Variants in AGBL4 observed in about 807,000 individuals in gnomAD.
AGBL4 encodes AGBL carboxypeptidase 4.
AGBL4 carries 58 observed loss-of-function variants against 66.4 expected under a neutral mutation model. The observed-to-expected ratio is 0.87, with a 90% CI of 0.71 to 1.09. AGBL4 has a LOEUF of 1.09. AGBL4 is among the 50% of genes least tolerant of loss of function. The pLI is 0.00. For synonymous variants in AGBL4, 234 were observed against 222.9 expected (o/e 1.05, Z -0.44); for missense variants, 579 against 631.0 (o/e 0.92, Z 0.88).
chr1:48,940,564 T>C (rs2148914584), intron 5 of AGBL4, among the ~76,000 whole-genome samples: 1 of 152,324 alleles, frequency 6.6e-6, no homozygotes, highest in South Asian at 2.1e-4. Flanking sequence ...TTTACAGATA[T>C]GTGCCTGTCC....
At chr1:50,005,032 C>T (rs1446888372) in intron 1 of AGBL4, among the ~76,000 whole-genome samples, 1 of 152,108 alleles carries the variant, frequency 6.6e-6, no homozygotes, top group East Asian at 1.9e-4. Context: ...TCGCTGATGG[C>T]ATCTCCAGAC....
At chr1:49,495,964 G>C (rs1647521908) in intron 3 of AGBL4, among the ~76,000 whole-genome samples, 1 of 152,018 alleles carries the variant, frequency 6.6e-6, no homozygotes. Flanking sequence ...TATGGACATA[G>C]AGGGATAGAA....
At chr1:49,229,207 G>A (rs1309151588) in intron 4 of AGBL4, among the ~76,000 whole-genome samples, 1 of 152,010 alleles carries the variant, frequency 6.6e-6, no homozygotes, top group Admixed American at 6.6e-5. Flanking sequence ...TCTTTCCCTG[G>A]CATCCTGTGC....
intron 2 of AGBL4, among the ~76,000 whole-genome samples, chr1:49,755,337 C>T (rs1049573356): frequency 6.6e-6 from 1 of 152,024 alleles, no homozygotes; most frequent in Non-Finnish European, 1.5e-5. Context: ...AAAAAAAAAT[C>T]AATAATGCCC....
chr1:49,298,645 C>T (rs948697003), intron 3 of AGBL4, among the ~76,000 whole-genome samples: 1 of 152,038 alleles, frequency 6.6e-6, no homozygotes, highest in African/African-American at 2.4e-5. Context: ...TCCCTCCCTC[C>T]CTCCTCCTTC....
intron 6 of AGBL4, among the ~76,000 whole-genome samples, chr1:48,710,729 G>A (rs1399401433): frequency 6.6e-6 from 1 of 152,148 alleles, no homozygotes; most frequent in African/African-American, 2.4e-5. Flanking sequence ...TGTTCAACAT[G>A]CTTTCATACC....
chr1:49,520,862 T>A (rs1570939070), intron 3 of AGBL4, among the ~76,000 whole-genome samples: 1 of 149,932 alleles, frequency 6.7e-6, no homozygotes, highest in Non-Finnish European at 1.5e-5. Flanking sequence ...CAGGCTGGAG[T>A]GCAGTGGCAT....
intron 6 of AGBL4, among the ~76,000 whole-genome samples, chr1:48,691,327 C>T (rs199541869): frequency 1.3e-5 from 2 of 151,938 alleles, no homozygotes; most frequent in East Asian, 1.9e-4. Context: ...ATATTTCACA[C>T]ATACAGCACA....
intron 2 of AGBL4, among the ~76,000 whole-genome samples, chr1:49,827,129 G>T (rs1645531134): frequency 2.6e-5 from 4 of 152,046 alleles, no homozygotes; most frequent in African/African-American, 9.7e-5. Flanking sequence ...GCTTTCATTT[G>T]GAGCAAAAAC....
intron 3 of AGBL4, among the ~76,000 whole-genome samples, chr1:49,521,376 G>A (rs1169681356): frequency 6.6e-6 from 1 of 152,070 alleles, no homozygotes; most frequent in African/African-American, 2.4e-5. Context: ...TAAGTTTATA[G>A]TAACCAAAAC....
intron 3 of AGBL4, among the ~76,000 whole-genome samples, chr1:49,543,881 AAAG>A (rs1173810085): frequency 5.3e-5 from 8 of 152,212 alleles, no homozygotes; most frequent in African/African-American, 1.9e-4. Flanking sequence ...AAAGTGGTAG[AAAG>A]AAGTTCAGCC....
chr1:49,204,874 C>A (rs1648006370), intron 4 of AGBL4, among the ~76,000 whole-genome samples: 1 of 152,058 alleles, frequency 6.6e-6, no homozygotes, highest in African/African-American at 2.4e-5. Flanking sequence ...ACCAATGGGA[C>A]TTATATCTGT....
At chr1:48,824,310 A>G (rs1293707579) in intron 6 of AGBL4, among the ~76,000 whole-genome samples, 1 of 152,242 alleles carries the variant, frequency 6.6e-6, no homozygotes, top group East Asian at 1.9e-4. Context: ...AACATTCACC[A>G]TAACCCACAT....
chr1:48,991,517 T>C (rs1218319966), intron 5 of AGBL4, among the ~76,000 whole-genome samples: 1 of 152,198 alleles, frequency 6.6e-6, no homozygotes, highest in Non-Finnish European at 1.5e-5. Flanking sequence ...ATTGATAGCT[T>C]TCTCAACATT....
At chr1:49,227,410 A>T (rs1191390076) in intron 4 of AGBL4, among the ~76,000 whole-genome samples, 1 of 152,128 alleles carries the variant, frequency 6.6e-6, no homozygotes, top group East Asian at 1.9e-4. Context: ...ATTACAACGA[A>T]TGTGTCCTAA....
chr1:49,850,000 T>C (rs1040375401), intron 2 of AGBL4, among the ~76,000 whole-genome samples: 3 of 152,192 alleles, frequency 2.0e-5, no homozygotes, highest in East Asian at 1.9e-4. Context: ...ACAAGATTTA[T>C]AGAAAATAAA....
At chr1:49,934,958 C>T (rs986588158) in intron 1 of AGBL4, among the ~76,000 whole-genome samples, 8 of 152,220 alleles carry the variant, frequency 5.3e-5, no homozygotes, top group Non-Finnish European at 1.2e-4. Flanking sequence ...GTTCATCTCA[C>T]TAGGGAGTGC....
intron 6 of AGBL4, among the ~76,000 whole-genome samples, chr1:48,754,468 G>C (rs1652221345): frequency 6.6e-6 from 1 of 152,082 alleles, no homozygotes; most frequent in Non-Finnish European, 1.5e-5. Flanking sequence ...AATAAATAAT[G>C]AATGAAGGAA....
intron 6 of AGBL4, among the ~76,000 whole-genome samples, chr1:48,847,638 C>T (rs1050139720): frequency 6.6e-6 from 1 of 152,182 alleles, no homozygotes; most frequent in Non-Finnish European, 1.5e-5. Flanking sequence ...GATTCCTTTT[C>T]TCATCTTCAA....
Sources: allele counts gnomAD v4.1 joint callset (sites outside exome capture counted in the v4.1 genomes callset), GRCh38; gene constraint gnomAD v4.1.1; transcripts MANE v1.5; gene names NCBI Gene and HGNC (gene_info 2026-07-23, HGNC 2026-07-21).